Variants in PLEKHN1 observed in about 807,000 individuals in gnomAD.
PLEKHN1 encodes pleckstrin homology domain containing N1.
A neutral mutation model predicts 72.8 loss-of-function variants in PLEKHN1; 68 were observed. The observed-to-expected ratio is 0.93, with a 90% CI of 0.77 to 1.14. The LOEUF (loss-of-function observed/expected upper bound fraction) is 1.14. Among genes scored for constraint, PLEKHN1 ranks in the 50% most tolerant of loss-of-function variants. The pLI, the probability that PLEKHN1 is intolerant of heterozygous loss-of-function variation, is 0.00. For missense variants in PLEKHN1, 1,015 were observed against 840.5 expected, an observed-to-expected ratio of 1.21 and a Z score of -2.57; for synonymous variants, 454 against 371.6, an observed-to-expected ratio of 1.22 and a Z score of -2.55.
Position 966,574 on chromosome 1 carries a change from C to T in PLEKHN1, c.43C>T (p.Arg15Trp), listed in dbSNP as rs138579115. ...TGTCCCTCAGGCCCCCAGGAGGCTC[C>T]GGGCCTCCTTCTCCAGAAAGCCCTC... ...HCVPQAPRRL[R>W]ASFSRKPSLK... The change falls in exon 1 of 16, where the codon CGG becomes TGG. Residue 15 changes from arginine to tryptophan, a missense_variant. Arg to Trp is a moderately radical substitution (Grantham distance 101, BLOSUM62 -3). Coordinates refer to ENST00000379410, the MANE Select transcript of PLEKHN1 (RefSeq NM_032129.3). The T allele has an allele frequency of 5.3e-5, 85 of 1,610,904 alleles. No individual in the cohort carries two copies. The highest frequency in any genetic ancestry group is 8.0e-5 in the African/African-American group (6 of 74,906).
intron 10 of PLEKHN1, 108 bp downstream of exon 10, chr1:972,532 G>C: frequency 7.6e-7 from 1 of 1,324,082 alleles, no homozygotes; most frequent in East Asian, 2.5e-5. Flanking sequence ...TTAGGAGGCT[G>C]AGGCGGGCGG....
chr1:966,618 A>C lies in PLEKHN1; in HGVS notation c.83+4A>C, dbSNP rs766310856. ...AGCCCTCGCTGAAGGGAAACAGGTG[A>C]GCGGGGCGTGGGTGCGGCCACCTGG... On this transcript the variant is annotated splice_donor_region_variant and intron_variant, in intron 1 of 15. Transcript: ENST00000379410. The C allele has an allele frequency of 1.6e-5, 25 of 1,608,412 alleles. No individual in the cohort carries two copies. The highest frequency in any genetic ancestry group is 2.1e-5 in the Non-Finnish European group (25 of 1,177,202).
chr1:972,203 G>A lies in PLEKHN1; in HGVS notation c.865+53G>A, dbSNP rs934135278. The stretch of plus-strand genomic sequence containing the variant: ...CCGCCTGGCCAGGCCATGGTGGGGC[G>A]GGAGCCTGGGGGACGCCCGACTCTT... On this transcript the variant is annotated intron_variant, in intron 9 of 15. Transcript: ENST00000379410. 105 of 1,603,966 alleles carry A rather than the reference G, an allele frequency of 6.5e-5. 1 individual carries two copies. The highest frequency in any genetic ancestry group is 5.0e-4 in the Middle Eastern group (3 of 6,048).
intron 2 of PLEKHN1, among the ~76,000 whole-genome samples, chr1:969,457 A>G (rs1225970051): frequency 6.6e-6 from 1 of 151,890 alleles, no homozygotes; most frequent in Non-Finnish European, 1.5e-5. Flanking sequence ...GTGGAAATGT[A>G]TGCATGTATG....
chr1:974,665 C>G lies in PLEKHN1; in HGVS notation c.*90C>G. On this transcript the variant is annotated 3_prime_UTR_variant, in exon 16 of 16. Transcript: ENST00000379410. ...CCCACTTCAAATTACAAGTCAGGGT[C>G]TGAACCCAGTGTGATGGGGGGAGTC... 1 of 1,467,666 alleles carries G rather than the reference C, an allele frequency of 6.8e-7. No homozygotes were observed. The allele number at this position is 1,467,666 out of a possible 1,614,324, so 90.9% of individuals were successfully genotyped here.
Position 974,627 on chromosome 1 carries a change from C to T in PLEKHN1, c.*52C>T. 6 of 1,559,052 alleles carry T rather than the reference C, an allele frequency of 3.8e-6. No homozygotes were observed. The highest frequency in any genetic ancestry group is 2.3e-5 in the South Asian group (2 of 85,846). On this transcript the variant is annotated 3_prime_UTR_variant, in exon 16 of 16. Transcript: ENST00000379410. ...ACCACCCTCGCCAAGCTCCAGGGTA[C>T]CTGCCCCTCTAACCCACTTCAAATT...
intron 2 of PLEKHN1, among the ~76,000 whole-genome samples, chr1:969,582 G>A (rs187880844): frequency 1.2e-3 from 183 of 152,132 alleles, no homozygotes; most frequent in East Asian, 9.5e-3. Context: ...GTGTATTTGC[G>A]TGTGGATATG....
rs200815876 is a variant in PLEKHN1 at position 973,460 on chromosome 1, T to C, written c.1294-40T>C. On this transcript the variant is annotated intron_variant, in intron 12 of 15. Transcript: ENST00000379410. The stretch of plus-strand genomic sequence containing the variant: ...CAGAGAAGGGGTGGCCTAGGCTGTT[T>C]CTAGCCGAGAAGCCCATTTCTCCCA... 2.7e-4 allele frequency: 431 copies of C among 1,605,340 alleles called. 1 individual carries two copies. The African/African-American group carries it at 5.2e-3, about 19-fold the overall frequency.
rs766328055 is a variant in PLEKHN1, at chr1:972,417, G to T, written c.995G>T (p.Gly332Val). The T allele has an allele frequency of 1.2e-5, 19 of 1,572,872 alleles. No homozygotes were observed. Among genetic ancestry groups the T allele is most frequent in the Non-Finnish European group, 1.6e-5 (19 of 1,162,538 alleles). Residue 332 changes from glycine to valine, a missense_variant, in exon 10 of 16, where the codon GGG becomes GTG. Gly to Val is a moderately radical substitution (Grantham distance 109). Transcript: ENST00000379410. ...CTGCCTGGTGCCGAGAGCTTCCCAG[G>T]GTCGCAGGTGAGGGGTCAATAGGCC... ...PPLPGAESFP[G>V]SQVMGSGRGS...
intron 8 of PLEKHN1, 123 bp downstream of exon 8, chr1:971,527 A>T: frequency 3.2e-6 from 3 of 936,158 alleles, no homozygotes; most frequent in Non-Finnish European, 5.0e-6. Flanking sequence ...GGCCCTGCCC[A>T]CCCAGCCCGC....
intron 1 of PLEKHN1, 36 bp from the exon 2 acceptor site, chr1:966,668 G>A (rs765575199): frequency 1.1e-4 from 177 of 1,583,114 alleles, no homozygotes; most frequent in Middle Eastern, 1.7e-4. Context: ...CACCCGCTCC[G>A]GGGCCAAGCC....
chr1:974,282 GC>G (rs764978651), intron 14 of PLEKHN1, 33 bp from the exon 15 acceptor site: 11 of 1,612,774 alleles, frequency 6.8e-6, no homozygotes, highest in Non-Finnish European at 9.3e-6. Flanking sequence ...CTGGGGCTGT[GC>G]CCGGCTCTCA....
At chr1:967,987 T>C (rs768620222) in intron 2 of PLEKHN1, among the ~76,000 whole-genome samples, 3 of 152,204 alleles carry the variant, frequency 2.0e-5, no homozygotes, top group Non-Finnish European at 2.9e-5. Flanking sequence ...CTAGAGCCAG[T>C]GCTCCGCGGC....
In PLEKHN1 at chr1:970,213, G is replaced by A; in HGVS notation, c.184-64G>A. On this transcript the variant is annotated intron_variant, in intron 2 of 15. Coordinates refer to ENST00000379410, the MANE Select transcript of PLEKHN1 (RefSeq NM_032129.3). The surrounding 1 kb of genome is among the most constrained non-coding windows in gnomAD (Gnocchi z 4.2). ...CATGCTATAGTCCTGTAGCTGTGTG[G>A]ATGCGAGCGGAGGGGGTGGGGGGCC... The A allele has an allele frequency of 1.3e-6, 2 of 1,559,866 alleles. No homozygotes were observed.
In PLEKHN1 at chr1:972,504, G is replaced by A. The variant is rs547627846; in HGVS notation, c.1002+80G>A. The A allele has an allele frequency of 8.0e-5, 115 of 1,434,518 alleles. 2 individuals are homozygous for A. In the Admixed American group the frequency reaches 1.3e-3, roughly 16 times the overall value. The allele number at this position is 1,434,518 out of a possible 1,614,324, so 88.9% of individuals were successfully genotyped here. Reference sequence around the variant, plus strand: ...CAGCAGACCGGGCGTGGTGGCGCACGCCTGTAATCCCAGCATTTTAGGAGG... The same window carrying A: ...CAGCAGACCGGGCGTGGTGGCGCACACCTGTAATCCCAGCATTTTAGGAGG... On this transcript the variant is annotated intron_variant, in intron 10 of 15. Coordinates refer to ENST00000379410, the MANE Select transcript of PLEKHN1 (RefSeq NM_032129.3).
chr1:973,571 C>G lies in PLEKHN1; in HGVS notation c.1365C>G (p.Leu455=). 6.2e-7 allele frequency: 1 copy of G among 1,613,320 alleles called. No individual in the cohort carries two copies. The highest frequency in any genetic ancestry group is 8.5e-7 in the Non-Finnish European group (1 of 1,179,984). ...DHTSETSHSP[L]YADPYTPPAT... The stretch of plus-strand genomic sequence containing the variant: ...CTTCGGAAACATCACACTCGCCCCT[C>G]TATGCCGACCCCTACACACCACCCG... The change falls in exon 13 of 16, where the codon CTC becomes CTG. Residue 455 remains leucine (L), a synonymous_variant. Coordinates refer to ENST00000379410, the MANE Select transcript of PLEKHN1 (RefSeq NM_032129.3).
chr1:971,158 G>C lies in PLEKHN1; in HGVS notation c.658G>C (p.Gly220Arg), dbSNP rs550137374. 6 of 1,599,454 alleles carry C rather than the reference G, an allele frequency of 3.8e-6. No individual in the cohort carries two copies. The South Asian group carries it at 6.8e-5, about 18-fold the overall frequency. ...LRTASGHEPG[G>R]SAVCASRVKL... Reference sequence around the variant, plus strand: ...GACGGCGTCAGGGCACGAACCCGGCGGCAGTGCTGTCTGTGCCTCGAGGGT... The same window carrying C: ...GACGGCGTCAGGGCACGAACCCGGCCGCAGTGCTGTCTGTGCCTCGAGGGT... Residue 220 changes from glycine (G) to arginine (R), a missense_variant, in exon 7 of 16, where the codon GGC (glycine) becomes CGC (arginine). By Grantham distance (125) the Gly-to-Arg change is moderately radical. Transcript: ENST00000379410.
Position 966,775 on chromosome 1 carries a change from A to T in PLEKHN1, c.155A>T (p.Asn52Ile), listed in dbSNP as rs777277746. The T allele has an allele frequency of 6.4e-7, 1 of 1,570,202 alleles. No individual in the cohort carries two copies. Among genetic ancestry groups the T allele is most frequent in the East Asian group, 2.4e-5 (1 of 42,174 alleles). The change falls in exon 2 of 16, where the codon AAC becomes ATC. Residue 52 changes from asparagine (N) to isoleucine (I), a missense_variant. By Grantham distance (149) the Asn-to-Ile change is moderately radical. Transcript: ENST00000379410. The stretch of plus-strand genomic sequence containing the variant: ...GCTCGAAGCGGGGACGCCGCCGCCA[A>T]CAAGCTCTTCCACTACATCCCGGGC... ...EAARSGDAAA[N>I]KLFHYIPGTD...
At chr1:967,087 A>G (rs1643038681) in intron 2 of PLEKHN1, among the ~76,000 whole-genome samples, 1 of 152,198 alleles carries the variant, frequency 6.6e-6, no homozygotes, top group African/African-American at 2.4e-5. Context: ...GGACCAGCGC[A>G]CGTGTCTCTG....
Sources: allele counts gnomAD v4.1 joint callset (sites outside exome capture counted in the v4.1 genomes callset), GRCh38; gene constraint gnomAD v4.1.1; non-coding constraint Gnocchi (gnomAD v3.1); transcripts MANE v1.5; gene names NCBI Gene and HGNC (gene_info 2026-07-23, HGNC 2026-07-21).